STK32B: variants seen among roughly 807,000 people sequenced by gnomAD.
STK32B encodes serine/threonine-protein kinase 32B.
STK32B carries 43 observed loss-of-function variants against 52.6 expected under a neutral mutation model. That is an observed-to-expected ratio of 0.82 (90% CI 0.64 to 1.05). The LOEUF (loss-of-function observed/expected upper bound fraction) is 1.05, where lower values mean the gene tolerates loss of function less well. Ranked by LOEUF, STK32B falls within the 50% of genes least tolerant of loss-of-function variation. STK32B has a pLI of 0.00. For missense variants in STK32B, 621 were observed against 534.6 expected (o/e 1.16, Z -1.59); for synonymous variants, 238 against 204.3 (o/e 1.17, Z -1.41).
intron 1 of STK32B, among the ~76,000 whole-genome samples, chr4:5,074,188 ATGTGTGTG>A (rs34284353): frequency 6.7e-6 from 1 of 148,800 alleles, no homozygotes; most frequent in African/African-American, 2.5e-5. Context: ...AAATATATAT[ATGTGTGTG>A]TGTGTGTGTG....
chr4:5,167,254 C>A (rs1478197081), intron 2 of STK32B, among the ~76,000 whole-genome samples: 5 of 152,066 alleles, frequency 3.3e-5, no homozygotes, highest in Non-Finnish European at 7.4e-5. Context: ...TGGATTTGAA[C>A]CCCCACCCTG....
At chr4:5,295,194 T>A (rs145419662) in intron 3 of STK32B, among the ~76,000 whole-genome samples, 1 of 152,228 alleles carries the variant, frequency 6.6e-6, no homozygotes, top group Non-Finnish European at 1.5e-5. Context: ...TATTGAGGAT[T>A]TTTGCATCAA....
intron 3 of STK32B, among the ~76,000 whole-genome samples, chr4:5,321,016 C>T (rs188983349): frequency 4.3e-4 from 65 of 152,154 alleles, no homozygotes; most frequent in Non-Finnish European, 8.2e-4. Flanking sequence ...AGAGTATGCA[C>T]TGTGTAGTTG....
intron 1 of STK32B, among the ~76,000 whole-genome samples, chr4:5,100,766 TCCCTCCTTCCC>T (rs1713731262): frequency 7.3e-5 from 9 of 123,226 alleles, no homozygotes; most frequent in East Asian, 2.9e-4. Context: ...CCCTCCTCCC[TCCCTCCTTCCC>T]TTCTTCCTTC....
chr4:5,126,983 C>T (rs1715402677), intron 1 of STK32B: 5 of 426,032 alleles, frequency 1.2e-5, no homozygotes, highest in Admixed American at 7.7e-5. Context: ...ACTGTCTATT[C>T]CCTCTCCTTT....
intron 4 of STK32B, among the ~76,000 whole-genome samples, chr4:5,365,704 C>T (rs1479571822): frequency 2.0e-5 from 3 of 152,170 alleles, no homozygotes; most frequent in African/African-American, 7.2e-5. Flanking sequence ...CATTTTAACA[C>T]CCATTTTCCC....
At chr4:5,173,628 T>G (rs189411748) in intron 3 of STK32B, among the ~76,000 whole-genome samples, 48 of 152,366 alleles carry the variant, frequency 3.2e-4, no homozygotes, top group East Asian at 1.5e-3. Flanking sequence ...GTGAGTTTCT[T>G]AATCCTGAGT....
chr4:5,112,468 C>G (rs1714455309), intron 1 of STK32B, among the ~76,000 whole-genome samples: 1 of 152,078 alleles, frequency 6.6e-6, no homozygotes, highest in Non-Finnish European at 1.5e-5. Context: ...CCAAAGAGGG[C>G]TGATGTCCTG....
intron 3 of STK32B, among the ~76,000 whole-genome samples, chr4:5,229,682 TATTAA>T (rs538910461): frequency 2.6e-5 from 4 of 152,300 alleles, no homozygotes; most frequent in Admixed American, 1.3e-4. Flanking sequence ...AAGTAAAATG[TATTAA>T]ATTATAGAAT....
chr4:5,159,552 A>AATATATGATATATATGTATATATGT (rs1560185658), intron 2 of STK32B, among the ~76,000 whole-genome samples: 1 of 69,290 alleles, frequency 1.4e-5, no homozygotes, highest in Non-Finnish European at 3.0e-5. Context: ...TATATATATG[A>AATATATGATATATATGTATATATGT]ATATATATGA....
At chr4:5,084,067 T>C (rs34832693) in intron 1 of STK32B, among the ~76,000 whole-genome samples, 45,013 of 152,152 alleles carry the variant, frequency 0.3, 7,582 homozygotes, top group Middle Eastern at 0.41. Flanking sequence ...TTTCTATGTC[T>C]GTTTCTCTCT....
At chr4:5,239,863 C>T (rs140553898) in intron 3 of STK32B, among the ~76,000 whole-genome samples, 1 of 152,018 alleles carries the variant, frequency 6.6e-6, no homozygotes, top group Non-Finnish European at 1.5e-5. Flanking sequence ...ATATGAACTA[C>T]TTGATCGGTT....
At chr4:5,387,158 C>T (rs995368924) in intron 4 of STK32B, among the ~76,000 whole-genome samples, 8 of 152,220 alleles carry the variant, frequency 5.3e-5, no homozygotes, top group African/African-American at 1.9e-4. Context: ...AGGATCCCAG[C>T]CTGGACCAGG....
rs781427847 is a variant in STK32B, at chr4:5,456,707, G to A, written c.667-100G>A. 1.2e-4 allele frequency: 138 copies of A among 1,104,368 alleles called. No individual in the cohort carries two copies. In the Middle Eastern group the frequency reaches 1.5e-3, roughly 12 times the overall value. 68.4% of individuals were successfully genotyped at this position (1,104,368 alleles called of 1,614,324 possible). On this transcript the variant is annotated intron_variant, in intron 7 of 11. Transcript: ENST00000282908. Reference sequence around the variant, plus strand: ...AGAAGCACCCACTGTTACTTGAAGAGGAAGAATAAACCATCCCTCATAATC... The same window carrying A: ...AGAAGCACCCACTGTTACTTGAAGAAGAAGAATAAACCATCCCTCATAATC...
At chr4:5,309,996 T>A (rs1369774079) in intron 3 of STK32B, among the ~76,000 whole-genome samples, 1 of 152,092 alleles carries the variant, frequency 6.6e-6, no homozygotes, top group Non-Finnish European at 1.5e-5. Context: ...TGAAACCTCA[T>A]CTCTACTAAA....
intron 4 of STK32B, among the ~76,000 whole-genome samples, chr4:5,352,796 T>C (rs1385893550): frequency 6.6e-6 from 1 of 151,862 alleles, no homozygotes; most frequent in East Asian, 1.9e-4. Flanking sequence ...GATTCATCAA[T>C]AATTAACTAG....
At chr4:5,317,528 A>G (rs1481724197) in intron 3 of STK32B, among the ~76,000 whole-genome samples, 5 of 108,006 alleles carry the variant, frequency 4.6e-5, no homozygotes, top group Non-Finnish European at 8.2e-5. Flanking sequence ...TTTATTATAT[A>G]TATATTACAT....
At position 5,460,431 on chromosome 4, in the gene STK32B, A is replaced by G. The variant is rs770035778; in HGVS notation, c.909+203A>G. 3.9e-5 allele frequency among the ~76,000 whole-genome samples: 6 copies of G among 152,192 alleles called. No homozygotes were observed. Among genetic ancestry groups the G allele is most frequent in the Non-Finnish European group, 8.8e-5 (6 of 68,034 alleles). On this transcript the variant is annotated intron_variant, in intron 9 of 11. Coordinates refer to ENST00000282908, the MANE Select transcript of STK32B (RefSeq NM_018401.3). This position sits in a 1 kb window ranked among gnomAD's most constrained non-coding sequence, Gnocchi z 4.8. ...GCCGTACAGCTTCCCTCCTTGTGGT[A>G]GGTCCTTTGGGGGTGCCAAGCCTTC...
chr4:5,390,186 T>C (rs560761158), intron 4 of STK32B, among the ~76,000 whole-genome samples: 2 of 152,178 alleles, frequency 1.3e-5, no homozygotes, highest in Admixed American at 6.5e-5. Context: ...GTCCCTGATA[T>C]GGGTAGTTGT....
Sources: gnomAD v4.1 joint callset for allele counts (sites outside exome capture counted in the v4.1 genomes callset) on GRCh38, gnomAD v4.1.1 for gene constraint, Gnocchi (gnomAD v3.1) non-coding constraint, MANE v1.5 for transcripts, NCBI Gene and HGNC (gene_info 2026-07-23, HGNC 2026-07-21) for gene names.